HSF5: variants seen among roughly 807,000 people sequenced by gnomAD.
The protein encoded by HSF5 is heat shock factor protein 5.
HSF5 carries 5 observed loss-of-function variants against 50.8 expected under a neutral mutation model. The ratio of observed to expected loss-of-function variants is 0.10; its 90% CI spans 0.05 to 0.21. The LOEUF is 0.21. HSF5 is among the 10% of genes least tolerant of loss of function. The pLI, the probability that HSF5 is intolerant of heterozygous loss-of-function variation, is 1.00. For synonymous variants in HSF5, 307 were observed against 307.4 expected, an observed-to-expected ratio of 1.00 and a Z score of 0.02; for missense variants, 564 against 762.6, an observed-to-expected ratio of 0.74 and a Z score of 3.07.
Position 58,454,596 on chromosome 17 carries a change from CA to C in HSF5, c.1720+4171del, listed in dbSNP as rs371331714. 1.4e-3 allele frequency among the ~76,000 whole-genome samples: 212 copies of C among 152,220 alleles called. 2 individuals are homozygous for C. Among genetic ancestry groups the C allele is most frequent in the African/African-American group, 4.9e-3 (203 of 41,550 alleles). Reference sequence around the variant, plus strand: ...TATACATAGAAAACCCTAAAGATTCCACCAAAAAAATTGGAACTAATAAATG... The same window carrying C: ...TATACATAGAAAACCCTAAAGATTCCCCAAAAAAATTGGAACTAATAAATG... On this transcript the variant is annotated intron_variant, in intron 5 of 5. Transcript: ENST00000323777.
chr17:58,475,467 C>G (rs1393578079), intron 2 of HSF5, among the ~76,000 whole-genome samples: 1 of 152,304 alleles, frequency 6.6e-6, no homozygotes, highest in African/African-American at 2.4e-5. Flanking sequence ...TCTGCAGATT[C>G]TCCCATTGAG....
chr17:58,487,782 C>G lies in HSF5; in HGVS notation c.493G>C (p.Ala165Pro). 1 of 1,499,100 alleles carries G rather than the reference C, an allele frequency of 6.7e-7. No homozygotes were observed. Among genetic ancestry groups the G allele is most frequent in the Non-Finnish European group, 8.8e-7 (1 of 1,133,088 alleles). The allele number at this position is 1,499,100 out of a possible 1,614,324, so 92.9% of individuals were successfully genotyped here. A position where few individuals can be genotyped will look rare whatever the true frequency, so the allele number is the denominator to read the frequency against. Residue 165 changes from alanine to proline, a missense_variant, in exon 1 of 6, where the codon GCG (alanine) becomes CCG (proline). Coordinates refer to ENST00000323777, the MANE Select transcript of HSF5 (RefSeq NM_001080439.3). Reference protein sequence around the residue: ...LLITSASAATAPLQHQQPPPP... With the variant: ...LLITSASAATPPLQHQQPPPP... ...GGCGGCTGCTGGTGCTGCAGTGGCG[C>G]GGTGGCGGCGGAGGCCGAGGTGATG...
At chr17:58,425,061 C>T (rs1015423990) in intron 5 of HSF5, among the ~76,000 whole-genome samples, 2 of 151,996 alleles carry the variant, frequency 1.3e-5, no homozygotes, top group African/African-American at 4.8e-5. Context: ...ACATGAAATA[C>T]AAATGTGAAT....
chr17:58,448,103 C>A (rs1307050538), intron 5 of HSF5, among the ~76,000 whole-genome samples: 4 of 138,970 alleles, frequency 2.9e-5, no homozygotes, highest in Admixed American at 7.8e-5. Context: ...CACTGCACTC[C>A]AGCCTGGGTA....
At chr17:58,459,331 C>T (rs926780296) in intron 4 of HSF5, among the ~76,000 whole-genome samples, 25 of 152,032 alleles carry the variant, frequency 1.6e-4, no homozygotes, top group Admixed American at 1.4e-3. Context: ...GCTAGGACTA[C>T]AGGTATTAGC....
intron 2 of HSF5, among the ~76,000 whole-genome samples, chr17:58,478,284 T>A (rs148329542): frequency 5.1e-3 from 199 of 39,082 alleles, no homozygotes; most frequent in Admixed American, 0.015. Flanking sequence ...TAAATAAATA[T>A]ATATATATAT....
Position 58,462,953 on chromosome 17 carries a change from T to C in HSF5, c.1371A>G (p.Ser457=). ...EQAVACSLPQ[S]PEYIYTIHTA... ...TGTGGATGGTATAGATGTACTCAGG[T>C]GACTGTGGTAGAGAGCAGGCAACTG... is the stretch of plus-strand genomic sequence containing the variant. Residue 457 remains serine (S), a synonymous_variant, in exon 4 of 6, where the codon TCA becomes TCG. Transcript: ENST00000323777. The C allele has an allele frequency of 6.2e-7, 1 of 1,614,198 alleles. No homozygotes were observed.
At chr17:58,466,735 T>C (rs1427101655) in intron 3 of HSF5, 150 bp downstream of exon 3, 13 of 604,400 alleles carry the variant, frequency 2.2e-5, no homozygotes, top group East Asian at 1.5e-4. Flanking sequence ...AATTCTCTCT[T>C]TTTTTTTTTA....
In HSF5 at chr17:58,422,314, C is replaced by T. The variant is rs199733026; in HGVS notation, c.*46G>A. On this transcript the variant is annotated 3_prime_UTR_variant, in exon 6 of 6. Transcript: ENST00000323777. ...GTTTGTCATGTGCAAGGCTAGTCTG[C>T]CTCCAGCTACAGCTAGTGCACAATG... 5 of 1,373,554 alleles carry T rather than the reference C, an allele frequency of 3.6e-6. No homozygotes were observed. The Admixed American group carries it at 6.9e-5, about 19-fold the overall frequency. The allele number at this position is 1,373,554 out of a possible 1,614,324, so 85.1% of individuals were successfully genotyped here.
chr17:58,453,466 C>T (rs1266837139), intron 5 of HSF5, among the ~76,000 whole-genome samples: 4 of 151,494 alleles, frequency 2.6e-5, no homozygotes, highest in Admixed American at 2.6e-4. Flanking sequence ...TGGTGGCAGG[C>T]GCCTGTAATC....
chr17:58,438,812 A>C (rs1414759919), intron 5 of HSF5, among the ~76,000 whole-genome samples: 1 of 151,916 alleles, frequency 6.6e-6, no homozygotes, highest in Non-Finnish European at 1.5e-5. Flanking sequence ...CCCAACCTGA[A>C]GTTGCACTAA....
intron 2 of HSF5, chr17:58,476,530 G>A: frequency 2.2e-6 from 3 of 1,337,000 alleles, no homozygotes; most frequent in Non-Finnish European, 3.2e-6. Flanking sequence ...AAATTCTTTG[G>A]ACAGAACTTT....
intron 2 of HSF5, chr17:58,476,878 T>TC: frequency 8.0e-7 from 1 of 1,256,480 alleles, no homozygotes; most frequent in South Asian, 1.3e-5. Flanking sequence ...GTTTTTTTTT[T>TC]CCTGAGGTCT....
At chr17:58,431,039 G>A (rs771885048) in intron 5 of HSF5, among the ~76,000 whole-genome samples, 8 of 152,158 alleles carry the variant, frequency 5.3e-5, no homozygotes, top group African/African-American at 1.2e-4. Context: ...AGGTTTTCCC[G>A]TGCTGTTCTG....
rs1333997478 is a variant in HSF5, at chr17:58,421,009, G to C, written c.*1351C>G. 1 of 152,580 alleles carries C rather than the reference G, an allele frequency of 6.6e-6. No individual in the cohort carries two copies. The highest frequency in any genetic ancestry group is 2.4e-5 in the African/African-American group (1 of 41,440). 9.5% of individuals were successfully genotyped at this position (152,580 alleles called of 1,614,324 possible). On this transcript the variant is annotated 3_prime_UTR_variant, in exon 6 of 6. Transcript: ENST00000323777. The stretch of plus-strand genomic sequence containing the variant: ...CTTTTTAATTAGTTTCATATTCCTA[G>C]GCTTTCCTTTCGTTTCTGCAGTGCT...
intron 5 of HSF5, among the ~76,000 whole-genome samples, chr17:58,434,367 G>A (rs1385252861): frequency 2.0e-5 from 3 of 151,600 alleles, no homozygotes; most frequent in Non-Finnish European, 2.9e-5. Flanking sequence ...CGGCCAACAA[G>A]GTAAAACTCC....
chr17:58,439,444 G>A (rs1974471069), intron 5 of HSF5, among the ~76,000 whole-genome samples: 2 of 151,128 alleles, frequency 1.3e-5, no homozygotes, highest in South Asian at 2.1e-4. Flanking sequence ...CCCCAAAAAG[G>A]AACAATTATA....
chr17:58,457,269 AAAT>A (rs1159494865), intron 5 of HSF5, among the ~76,000 whole-genome samples: 1 of 150,606 alleles, frequency 6.6e-6, no homozygotes, highest in Non-Finnish European at 1.5e-5. Flanking sequence ...CAGAAAAAAA[AAAT>A]AATAATAATA....
chr17:58,479,725 G>A (rs1417268190), intron 2 of HSF5, among the ~76,000 whole-genome samples, 168 bp downstream of exon 2: 4 of 152,046 alleles, frequency 2.6e-5, no homozygotes, highest in Non-Finnish European at 4.4e-5. Context: ...ATGAAATTTT[G>A]TATATTGTTT....
Sources: gnomAD v4.1 joint callset for allele counts (sites outside exome capture counted in the v4.1 genomes callset) on GRCh38, gnomAD v4.1.1 for gene constraint, MANE v1.5 for transcripts, NCBI Gene and HGNC (gene_info 2026-07-23, HGNC 2026-07-21) for gene names.